The following ANK3 variants were observed in gnomAD, a reference collection of about 807,000 sequenced individuals.
ANK3 encodes ankyrin 3.
ANK3 carries 57 observed loss-of-function variants against 370.9 expected under a neutral mutation model. The ratio of observed to expected loss-of-function variants is 0.15; its 90% CI spans 0.12 to 0.19. The LOEUF (loss-of-function observed/expected upper bound fraction) is 0.19, where lower values mean the gene tolerates loss of function less well. Among genes scored for constraint, ANK3 ranks in the 10% least tolerant of loss-of-function variants. The pLI, the probability that ANK3 is intolerant of heterozygous loss-of-function variation, is 1.00. For missense variants in ANK3, 4,439 were observed against 5,302.1 expected (o/e 0.84, Z 5.06); for synonymous variants, 1,929 against 1,946.3 (o/e 0.99, Z 0.23).
At chr10:60,292,338 G>C (rs964678406) in intron 1 of ANK3, among the ~76,000 whole-genome samples, 6 of 151,410 alleles carry the variant, frequency 4.0e-5, no homozygotes, top group Non-Finnish European at 7.4e-5. Flanking sequence ...AGAAGCATGA[G>C]AGAAATAGTA....
intron 1 of ANK3, among the ~76,000 whole-genome samples, chr10:60,387,793 C>A (rs770395632): frequency 6.6e-5 from 10 of 152,296 alleles, no homozygotes; most frequent in Non-Finnish European, 1.5e-4. Flanking sequence ...CTCACCCCTT[C>A]CCTATTTTGC....
chr10:60,073,412 G>A lies in ANK3; in HGVS notation c.7469C>T (p.Pro2490Leu), dbSNP rs140741466. 7.2e-4 allele frequency: 1,156 copies of A among 1,613,732 alleles called. No homozygotes were observed. The highest frequency in any genetic ancestry group is 4.6e-3 in the Middle Eastern group (28 of 6,060). Residue 2490 changes from proline (P) to leucine (L), a missense_variant, in exon 37 of 44, where the codon CCC becomes CTC. Pro to Leu is a moderately conservative substitution (Grantham distance 98). Coordinates refer to ENST00000280772, the MANE Select transcript of ANK3 (RefSeq NM_020987.5). ...TEESVTDHAG[P>L]PSSELQGSDK... ...AGACCCCTGTAACTCTGAGCTAGGGGGTCCTGCATGGTCTGTAACCGATTC... is the reference window on the plus strand; with the variant it reads ...AGACCCCTGTAACTCTGAGCTAGGGAGTCCTGCATGGTCTGTAACCGATTC...
chr10:60,184,104 A>T (rs546589833), intron 17 of ANK3, among the ~76,000 whole-genome samples: 1 of 152,330 alleles, frequency 6.6e-6, no homozygotes, highest in Admixed American at 6.5e-5. Flanking sequence ...TACTAGTAAG[A>T]AAAAAGAAAG....
In ANK3 at chr10:60,026,647, C is replaced by T. The variant is rs1361943219; in HGVS notation, c.*3199G>A. 6 of 152,140 alleles carry T rather than the reference C, an allele frequency of 3.9e-5. No homozygotes were observed. Among genetic ancestry groups the T allele is most frequent in the Non-Finnish European group, 8.8e-5 (6 of 68,032 alleles). 9.4% of individuals were successfully genotyped at this position (152,140 alleles called of 1,614,324 possible). A position where few individuals can be genotyped will look rare whatever the true frequency, so the allele number is the denominator to read the frequency against. ...ATGATACCAAATGAACAGCGAGGAA[C>T]ATCAGGATGCCAAAAAGTCCTTATT... On this transcript the variant is annotated 3_prime_UTR_variant, in exon 44 of 44. Transcript: ENST00000280772.
chr10:60,370,890 T>C (rs2060017922), intron 1 of ANK3, among the ~76,000 whole-genome samples: 1 of 152,118 alleles, frequency 6.6e-6, no homozygotes, highest in Non-Finnish European at 1.5e-5. Flanking sequence ...CTGTTAATAG[T>C]TGAAAGTAAT....
At chr10:60,598,123 G>GAAC (rs1352874189) in intron 2 of ANK3, among the ~76,000 whole-genome samples, 1 of 152,038 alleles carries the variant, frequency 6.6e-6, no homozygotes, top group African/African-American at 2.4e-5. Context: ...CTTTAAAAAA[G>GAAC]AACAACAACA....
intron 2 of ANK3, among the ~76,000 whole-genome samples, chr10:60,468,226 T>A (rs1402793221): frequency 1.3e-5 from 2 of 152,060 alleles, no homozygotes; most frequent in Non-Finnish European, 2.9e-5. Flanking sequence ...ACAGGTGATC[T>A]GCCCATCTCG....
intron 1 of ANK3, among the ~76,000 whole-genome samples, chr10:60,705,210 C>A (rs1014608419): frequency 1.3e-5 from 2 of 152,050 alleles, no homozygotes; most frequent in Non-Finnish European, 2.9e-5. Flanking sequence ...AGTGAGAATT[C>A]TTTCCCTAAC....
Position 60,240,302 on chromosome 10 carries a change from A to ATTT in ANK3, c.799-5517_799-5516insAAA, listed in dbSNP as rs1170312298. Among the ~76,000 whole-genome samples the ATTT allele has an allele frequency of 9.1e-4, 80 of 88,120 alleles. 1 individual carries two copies. The highest frequency in any genetic ancestry group is 3.3e-3 in the African/African-American group (76 of 22,728). 57.8% of individuals were successfully genotyped at this position (88,120 alleles called of 152,430 possible). A position where few individuals can be genotyped will look rare whatever the true frequency, so the allele number is the denominator to read the frequency against. ...CACACATATATATATATATATATAT[A>ATTT]TATATTTTTTTTTCTTTTTGAGATA... On this transcript the variant is annotated intron_variant, in intron 7 of 43. Transcript: ENST00000280772.
At chr10:60,055,281 C>A (rs1053810578) in intron 42 of ANK3, among the ~76,000 whole-genome samples, 1 of 152,118 alleles carries the variant, frequency 6.6e-6, no homozygotes, top group Non-Finnish European at 1.5e-5. Context: ...TGATTATCCT[C>A]CTCCCATAAG....
chr10:60,624,809 A>G (rs2078386537), intron 1 of ANK3, among the ~76,000 whole-genome samples: 1 of 152,072 alleles, frequency 6.6e-6, no homozygotes, highest in Non-Finnish European at 1.5e-5. Flanking sequence ...TAGAGATCTG[A>G]TAGATACAGG....
intron 7 of ANK3, among the ~76,000 whole-genome samples, chr10:60,238,475 G>A (rs1344579043): frequency 6.6e-6 from 1 of 152,106 alleles, no homozygotes; most frequent in African/African-American, 2.4e-5. Context: ...GAAAGACACA[G>A]CCTTGAACCC....
At chr10:60,670,651 G>A (rs569599247) in intron 1 of ANK3, among the ~76,000 whole-genome samples, 5 of 152,118 alleles carry the variant, frequency 3.3e-5, no homozygotes, top group African/African-American at 4.8e-5. Context: ...GTGGCTTCCC[G>A]TTTGTGACAC....
At chr10:60,314,592 T>A (rs955959048) in intron 1 of ANK3, among the ~76,000 whole-genome samples, 1 of 152,150 alleles carries the variant, frequency 6.6e-6, no homozygotes, top group Non-Finnish European at 1.5e-5. Flanking sequence ...TGTGGAACAA[T>A]CCCATGAATA....
chr10:60,258,321 T>A (rs1307622172), intron 7 of ANK3, among the ~76,000 whole-genome samples: 1 of 152,204 alleles, frequency 6.6e-6, no homozygotes, highest in Admixed American at 6.5e-5. Context: ...TGAGCCTGAA[T>A]AGATCTCCAA....
At chr10:60,406,302 G>A (rs986812097) in intron 2 of ANK3, among the ~76,000 whole-genome samples, 2 of 152,148 alleles carry the variant, frequency 1.3e-5, no homozygotes, top group African/African-American at 2.4e-5. Context: ...TTGGGTCATG[G>A]GTTGTAGTTT....
chr10:60,642,263 C>A (rs1304937689), intron 1 of ANK3, among the ~76,000 whole-genome samples: 2 of 150,924 alleles, frequency 1.3e-5, no homozygotes, highest in African/African-American at 2.4e-5. Context: ...ACCATTTGAC[C>A]CAGCCATCCC....
At chr10:60,671,880 A>G (rs2079068074) in intron 1 of ANK3, among the ~76,000 whole-genome samples, 1 of 152,220 alleles carries the variant, frequency 6.6e-6, no homozygotes, top group African/African-American at 2.4e-5. Context: ...GCAAAAGATC[A>G]GCACTGGCTT....
At chr10:60,055,559 T>TA in intron 42 of ANK3, 99 bp downstream of exon 42, 3 of 1,436,838 alleles carry the variant, frequency 2.1e-6, no homozygotes, top group Non-Finnish European at 1.9e-6. Context: ...TTAGAAATCG[T>TA]AAAAAACCTT....
Sources: gnomAD v4.1 joint callset for allele counts (sites outside exome capture counted in the v4.1 genomes callset) on GRCh38, gnomAD v4.1.1 for gene constraint, MANE v1.5 for transcripts, NCBI Gene and HGNC (gene_info 2026-07-23, HGNC 2026-07-21) for gene names.